TBCK: variants seen among roughly 807,000 people sequenced by gnomAD.
The protein encoded by TBCK is TBC1 domain containing kinase, also known as TBC domain-containing protein kinase-like protein.
Under a neutral mutation model 113.4 loss-of-function variants are expected in TBCK, and 99 were observed. The ratio of observed to expected loss-of-function variants is 0.87; its 90% CI spans 0.74 to 1.03. TBCK has a LOEUF of 1.03. Ranked by LOEUF, TBCK falls within the 50% of genes least tolerant of loss-of-function variation. The pLI, the probability that TBCK is intolerant of heterozygous loss-of-function variation, is 0.00. For missense variants in TBCK, 1,045 were observed against 1,061.3 expected (o/e 0.98, Z 0.21); for synonymous variants, 369 against 370.8 (o/e 1.00, Z 0.05).
Position 106,108,106 on chromosome 4 carries a change from A to T in TBCK, c.2411+8097T>A, listed in dbSNP as rs185701547. Among the ~76,000 whole-genome samples, 259 of 152,348 alleles carry T rather than the reference A, an allele frequency of 1.7e-3. 2 individuals are homozygous for T. The highest frequency in any genetic ancestry group is 5.9e-3 in the African/African-American group (245 of 41,600). ...CAATAATGATCTCTGAAGTTCAATC[A>T]GTAATAAATAGCCTACCAACCAAAA... is the stretch of plus-strand genomic sequence containing the variant. On this transcript the variant is annotated intron_variant, in intron 24 of 25. Coordinates refer to ENST00000394708, the MANE Select transcript of TBCK (RefSeq NM_001163435.3).
chr4:106,069,958 A>T (rs11934400), intron 25 of TBCK, among the ~76,000 whole-genome samples: 48,939 of 151,900 alleles, frequency 0.32, 8,086 homozygotes, highest in African/African-American at 0.37. Context: ...TACTGGTGTG[A>T]AGGAATGCTT....
intron 10 of TBCK, among the ~76,000 whole-genome samples, chr4:106,245,330 C>A (rs1760676975): frequency 6.6e-6 from 1 of 152,072 alleles, no homozygotes; most frequent in Non-Finnish European, 1.5e-5. Context: ...CTGTTCTTAA[C>A]AAGGTCTGTC....
rs1263795014 is a variant in TBCK at position 106,267,855 on chromosome 4, T to C, written c.267-5643A>G. Among the ~76,000 whole-genome samples, 4 of 152,148 alleles carry C rather than the reference T, an allele frequency of 2.6e-5. No homozygotes were observed. In the South Asian group the frequency reaches 6.2e-4, roughly 24 times the overall value. ...TAAATCGTCCATAAATCATCTCTAG[T>C]TGTTGGTTAAAACATACTGAGGCCA... On this transcript the variant is annotated intron_variant, in intron 3 of 25. Transcript: ENST00000394708.
intron 23 of TBCK, among the ~76,000 whole-genome samples, chr4:106,127,875 A>G (rs72964454): frequency 0.027 from 4,105 of 152,274 alleles, 180 homozygotes; most frequent in African/African-American, 0.094. Flanking sequence ...GGCAAAAAAA[A>G]TTGAAAAAGT....
intron 6 of TBCK, among the ~76,000 whole-genome samples, chr4:106,251,365 G>A (rs554270570): frequency 6.6e-6 from 1 of 151,298 alleles, no homozygotes; most frequent in African/African-American, 2.4e-5. Context: ...AAGATTACCT[G>A]GTGTTTATAG....
intron 3 of TBCK, among the ~76,000 whole-genome samples, chr4:106,275,749 A>G (rs1763960433): frequency 6.6e-6 from 1 of 152,130 alleles, no homozygotes; most frequent in African/African-American, 2.4e-5. Flanking sequence ...ACTATAAAAC[A>G]CTGTTGAGAG....
At chr4:106,188,540 C>T (rs180829503) in intron 22 of TBCK, among the ~76,000 whole-genome samples, 1 of 152,172 alleles carries the variant, frequency 6.6e-6, no homozygotes, top group East Asian at 1.9e-4. Context: ...TCAAAAAATT[C>T]AGAAAGCAGG....
chr4:106,235,183 G>C, intron 15 of TBCK, 86 bp downstream of exon 15: 1 of 843,948 alleles, frequency 1.2e-6, no homozygotes, highest in Non-Finnish European at 1.7e-6. Flanking sequence ...CTAATAACTA[G>C]AAAAATATAT....
intron 24 of TBCK, among the ~76,000 whole-genome samples, chr4:106,100,432 C>T (rs535502421): frequency 1.9e-4 from 29 of 152,264 alleles, no homozygotes; most frequent in African/African-American, 7.0e-4. Flanking sequence ...TTCCCTTTGT[C>T]AGCACACACT....
intron 5 of TBCK, among the ~76,000 whole-genome samples, chr4:106,253,311 T>C (rs1761628583): frequency 6.6e-6 from 1 of 152,192 alleles, no homozygotes; most frequent in African/African-American, 2.4e-5. Flanking sequence ...TCCATTAAAT[T>C]CTTATTTCTA....
intron 11 of TBCK, among the ~76,000 whole-genome samples, chr4:106,242,820 G>A (rs1579369981): frequency 6.6e-6 from 1 of 150,686 alleles, no homozygotes; most frequent in Admixed American, 6.6e-5. Context: ...CCATTAACTC[G>A]TCATTTAGCA....
chr4:106,312,522 G>C (rs910622858), intron 1 of TBCK, among the ~76,000 whole-genome samples: 1 of 152,016 alleles, frequency 6.6e-6, no homozygotes, highest in Non-Finnish European at 1.5e-5. Flanking sequence ...AATGGCAAAA[G>C]AATTTTGGAA....
rs115179460 is a variant in TBCK at position 106,080,290 on chromosome 4, T to A, written c.2571+15192A>T. 6.7e-3 allele frequency among the ~76,000 whole-genome samples: 1,007 copies of A among 151,140 alleles called. 16 individuals carry two copies. The South Asian group carries it at 0.083, about 12-fold the overall frequency. ...GACTTCAAATTATACTACAAGGCTATAGTAACCCAAACAGCATGATACTGG... is the reference window on the plus strand; with the variant it reads ...GACTTCAAATTATACTACAAGGCTAAAGTAACCCAAACAGCATGATACTGG... On this transcript the variant is annotated intron_variant, in intron 25 of 25. Coordinates refer to ENST00000394708, the MANE Select transcript of TBCK (RefSeq NM_001163435.3).
At chr4:106,152,998 T>A (rs535215953) in intron 23 of TBCK, among the ~76,000 whole-genome samples, 6 of 152,204 alleles carry the variant, frequency 3.9e-5, no homozygotes, top group Non-Finnish European at 8.8e-5. Flanking sequence ...TAATTTTGTT[T>A]AACTTTTCAA....
At chr4:106,259,365 T>G (rs1762289680) in intron 5 of TBCK, among the ~76,000 whole-genome samples, 1 of 151,864 alleles carries the variant, frequency 6.6e-6, no homozygotes, top group Non-Finnish European at 1.5e-5. Flanking sequence ...GAACTGATTT[T>G]AGGAAGCCCA....
At chr4:106,261,175 C>T (rs1439152973) in intron 4 of TBCK, among the ~76,000 whole-genome samples, 2 of 151,962 alleles carry the variant, frequency 1.3e-5, no homozygotes, top group Non-Finnish European at 2.9e-5. Flanking sequence ...AACATTATTT[C>T]CAAGCATTAT....
At chr4:106,272,743 C>T (rs1163287617) in intron 3 of TBCK, among the ~76,000 whole-genome samples, 4 of 152,150 alleles carry the variant, frequency 2.6e-5, no homozygotes, top group South Asian at 4.2e-4. Context: ...GATCTGCCCA[C>T]GTCGGCCTCC....
chr4:106,058,979 G>T (rs902468786), intron 25 of TBCK, among the ~76,000 whole-genome samples: 1 of 151,654 alleles, frequency 6.6e-6, no homozygotes, highest in African/African-American at 2.4e-5. Flanking sequence ...CTAGTTAACA[G>T]AGTAATAAGT....
intron 3 of TBCK, among the ~76,000 whole-genome samples, chr4:106,267,959 A>G (rs992780844): frequency 2.6e-5 from 4 of 151,986 alleles, no homozygotes; most frequent in Admixed American, 1.3e-4. Context: ...ACCCCAGCCA[A>G]TACTCCCAAA....
Sources: allele counts gnomAD v4.1 joint callset (sites outside exome capture counted in the v4.1 genomes callset), GRCh38; gene constraint gnomAD v4.1.1; transcripts MANE v1.5; gene names NCBI Gene and HGNC (gene_info 2026-07-23, HGNC 2026-07-21).